Variants in GALNS observed in about 807,000 individuals in gnomAD.
The protein encoded by GALNS is N-acetylgalactosamine-6-sulfatase.
A neutral mutation model predicts 65.9 loss-of-function variants in GALNS; 65 were observed. The observed-to-expected ratio is 0.99, with a 90% confidence interval of 0.81 to 1.21. The LOEUF (loss-of-function observed/expected upper bound fraction) is 1.21, where lower values mean the gene tolerates loss of function less well. GALNS is among the 50% of genes most tolerant of loss of function. The pLI, the probability that GALNS is intolerant of heterozygous loss-of-function variation, is 0.00. For synonymous variants in GALNS, 346 were observed against 288.9 expected (o/e 1.20, Z -2.00); for missense variants, 776 against 700.7 (o/e 1.11, Z -1.21).
Position 88,835,316 on chromosome 16 carries a change from A to G in GALNS, c.795T>C (p.Ile265=). 7.4e-6 allele frequency: 12 copies of G among 1,613,586 alleles called. No individual in the cohort carries two copies. The highest frequency in any genetic ancestry group is 2.2e-5 in the East Asian group (1 of 44,868). The change falls in exon 8 of 14, where the codon ATT becomes ATC. Residue 265 remains isoleucine, a synonymous_variant. Coordinates refer to ENST00000268695, the MANE Select transcript of GALNS (RefSeq NM_000512.5). The stretch of plus-strand genomic sequence containing the variant: ...CTTGGAGGAGCTCCAGTATCTTCCC[A>G]ATGCTGTCATCAATCTCCCGGACGG... ...GDAVREIDDS[I]GKILELLQDL...
At position 88,841,083 on chromosome 16, in the gene GALNS, G is replaced by C; in HGVS notation, c.331C>G (p.Gln111Glu). 6.2e-7 allele frequency: 1 copy of C among 1,613,032 alleles called. No individual in the cohort carries two copies. Among genetic ancestry groups the C allele is most frequent in the Non-Finnish European group, 8.5e-7 (1 of 1,179,874 alleles). ...TCTGGGATGCCGCCCACAATCTCCT[G>C]CGGTGTGTAGGCTGGAAGAGCAGCG... ...NAHARNAYTP[Q>E]EIVGGIPDSE... Residue 111 changes from glutamine (Q) to glutamate (E), a missense_variant, in exon 4 of 14, where the codon CAG becomes GAG. Physicochemically the swap from Gln to Glu is conservative, Grantham distance 29. Transcript: ENST00000268695.
intron 12 of GALNS, among the ~76,000 whole-genome samples, chr16:88,820,136 C>CT (rs201438100): frequency 0.012 from 1,815 of 150,220 alleles, 18 homozygotes; most frequent in East Asian, 0.02. Flanking sequence ...GCCCCGTCGT[C>CT]TTTTTTTCTT....
chr16:88,848,571 G>GA (rs60527229), intron 1 of GALNS, among the ~76,000 whole-genome samples: 49,581 of 135,588 alleles, frequency 0.37, 9,672 homozygotes, highest in East Asian at 0.64. Context: ...GACTCCGTCT[G>GA]AAAAAAAAAA....
At chr16:88,818,248 G>A in intron 12 of GALNS, 124 bp from the exon 13 acceptor site, 1 of 809,452 alleles carries the variant, frequency 1.2e-6, no homozygotes, top group Non-Finnish European at 2.1e-6. Context: ...CAGTCACTGG[G>A]ACCATGTGCT....
intron 12 of GALNS, among the ~76,000 whole-genome samples, chr16:88,821,229 G>A (rs959722697): frequency 4.6e-5 from 7 of 152,182 alleles, no homozygotes; most frequent in African/African-American, 1.7e-4. Context: ...TGGAGGAACT[G>A]GGGCTCCTTC....
intron 9 of GALNS, among the ~76,000 whole-genome samples, chr16:88,830,205 T>C (rs1911347292): frequency 8.2e-6 from 1 of 122,178 alleles, no homozygotes; most frequent in Admixed American, 1.1e-4. Flanking sequence ...CACTCCAGCC[T>C]GGGCAACAGA....
chr16:88,855,715 CTG>C, intron 1 of GALNS: 2 of 585,784 alleles, frequency 3.4e-6, no homozygotes, highest in Admixed American at 3.0e-5. Flanking sequence ...TCTTCTAAAT[CTG>C]TGTATTTTAC....
At chr16:88,826,073 TG>T (rs1910862444) in intron 10 of GALNS, among the ~76,000 whole-genome samples, 1 of 150,822 alleles carries the variant, frequency 6.6e-6, no homozygotes, top group Non-Finnish European at 1.5e-5. Flanking sequence ...GCGACTTGGA[TG>T]GAAGGAAGAA....
chr16:88,847,300 G>T (rs1422095552), intron 1 of GALNS, among the ~76,000 whole-genome samples: 1 of 152,186 alleles, frequency 6.6e-6, no homozygotes, highest in East Asian at 1.9e-4. Flanking sequence ...GAGCTCAGGA[G>T]GCAGAGGCTG....
chr16:88,814,654 C>T (rs571254448), intron 13 of GALNS, 129 bp from the exon 14 acceptor site: 24 of 1,465,234 alleles, frequency 1.6e-5, no homozygotes, highest in South Asian at 1.5e-4. Flanking sequence ...AGTTCAGTGG[C>T]GCGATCTTGG....
At chr16:88,837,474 C>G in intron 5 of GALNS, 148 bp downstream of exon 5, 1 of 787,928 alleles carries the variant, frequency 1.3e-6, no homozygotes, top group Admixed American at 2.3e-5. Context: ...CAGAAGCCAC[C>G]AAACCAAAGC....
rs560849746 is a variant in GALNS, at chr16:88,856,280, C to T, written c.120+478G>A. 2.0e-5 allele frequency: 14 copies of T among 703,024 alleles called. No individual in the cohort carries two copies. In the African/African-American group the frequency reaches 2.4e-4, roughly 12 times the overall value. The allele number at this position is 703,024 out of a possible 1,614,324, so 43.5% of individuals were successfully genotyped here. ...GGAGCCCAGCGGGGGGACCCGGCGG[C>T]CCGAGGTGGCGGGAGTGATTCCTAG... On this transcript the variant is annotated intron_variant, in intron 1 of 13. Transcript: ENST00000268695.
chr16:88,856,904 G>A lies in GALNS; in HGVS notation c.-27C>T, dbSNP rs1194057254. 6.0e-6 allele frequency: 9 copies of A among 1,498,920 alleles called. No individual in the cohort carries two copies. The East Asian group carries it at 8.3e-5, about 14-fold the overall frequency. The allele number at this position is 1,498,920 out of a possible 1,614,324, so 92.9% of individuals were successfully genotyped here. A position where few individuals can be genotyped will look rare whatever the true frequency, so the allele number is the denominator to read the frequency against. On this transcript the variant is annotated 5_prime_UTR_variant, in exon 1 of 14. Coordinates refer to ENST00000268695, the MANE Select transcript of GALNS (RefSeq NM_000512.5). ...GCAACCACGGGAGCCGCGGAGCCCC[G>A]GCCAGCGAGCCGACCTAGCGAGCGT...
At chr16:88,821,948 G>C (rs988717410) in intron 12 of GALNS, among the ~76,000 whole-genome samples, 6 of 152,160 alleles carry the variant, frequency 3.9e-5, no homozygotes, top group South Asian at 2.1e-4. Flanking sequence ...TGGGGTGAGG[G>C]GGGGAAGCCT....
chr16:88,815,716 G>A, intron 13 of GALNS: 14 of 985,474 alleles, frequency 1.4e-5, no homozygotes, highest in Non-Finnish European at 1.7e-5. Flanking sequence ...ACTAAGGACA[G>A]TCTCCAGCCC....
At chr16:88,828,646 G>A (rs139788001) in intron 9 of GALNS, among the ~76,000 whole-genome samples, 1 of 152,338 alleles carries the variant, frequency 6.6e-6, no homozygotes, top group East Asian at 1.9e-4. Context: ...GTGGGGAGAG[G>A]GTTTCCCTTC....
In GALNS at chr16:88,818,119, G is replaced by A. The variant is rs780207762; in HGVS notation, c.1370C>T (p.Ala457Val). The change falls in exon 13 of 14, where the codon GCC becomes GTC. Residue 457 changes from alanine to valine, a missense_variant. Physicochemically the swap from Ala to Val is moderately conservative, Grantham distance 64. Coordinates refer to ENST00000268695, the MANE Select transcript of GALNS (RefSeq NM_000512.5). ...GAGGGCCTCCTGGTACTCGGCGCTG[G>A]CAAAGCTGGGGACAGAGAGCTCTGG... is the stretch of plus-strand genomic sequence containing the variant. ...DPGERFPLSF[A>V]SAEYQEALSR... The A allele has an allele frequency of 2.5e-6, 4 of 1,572,130 alleles. No homozygotes were observed. The South Asian group carries it at 3.5e-5, about 14-fold the overall frequency.
chr16:88,850,883 G>A (rs1283500373), intron 1 of GALNS, among the ~76,000 whole-genome samples: 1 of 152,260 alleles, frequency 6.6e-6, no homozygotes, highest in Non-Finnish European at 1.5e-5. Flanking sequence ...ATCGTGGCAT[G>A]TGCAAAAACA....
At chr16:88,854,582 G>T (rs1185284812) in intron 1 of GALNS, among the ~76,000 whole-genome samples, 1 of 152,214 alleles carries the variant, frequency 6.6e-6, no homozygotes, top group Non-Finnish European at 1.5e-5. Flanking sequence ...CCCTCCCCCA[G>T]TGTGCTTGGC....
Sources: gnomAD v4.1 joint callset for allele counts (sites outside exome capture counted in the v4.1 genomes callset) on GRCh38, gnomAD v4.1.1 for gene constraint, MANE v1.5 for transcripts, NCBI Gene and HGNC (gene_info 2026-07-23, HGNC 2026-07-21) for gene names.